Variants in ARHGAP15 observed in about 807,000 individuals in gnomAD.
The protein encoded by ARHGAP15 is rho GTPase-activating protein 15.
ARHGAP15 carries 51 observed loss-of-function variants against 63.7 expected under a neutral mutation model. The ratio of observed to expected loss-of-function variants is 0.80; its 90% CI spans 0.64 to 1.01. The LOEUF (loss-of-function observed/expected upper bound fraction) is 1.01, where lower values mean the gene tolerates loss of function less well. Among genes scored for constraint, ARHGAP15 ranks in the 50% least tolerant of loss-of-function variants. ARHGAP15 has a pLI of 0.00. For synonymous variants in ARHGAP15, 191 were observed against 193.8 expected, an observed-to-expected ratio of 0.99 and a Z score of 0.12; for missense variants, 560 against 564.6, an observed-to-expected ratio of 0.99 and a Z score of 0.08.
chr2:143,640,326 A>T (rs1208410510), intron 12 of ARHGAP15, among the ~76,000 whole-genome samples: 1 of 152,096 alleles, frequency 6.6e-6, no homozygotes, highest in Non-Finnish European at 1.5e-5. Flanking sequence ...GGTGAATGGC[A>T]GAGATGGAAA....
At chr2:143,564,718 T>C (rs1002785922) in intron 11 of ARHGAP15, among the ~76,000 whole-genome samples, 2 of 152,208 alleles carry the variant, frequency 1.3e-5, no homozygotes, top group Admixed American at 1.3e-4. Flanking sequence ...TTGATTAATG[T>C]AATAATGTTC....
At chr2:143,512,238 A>T (rs1693623212) in intron 9 of ARHGAP15, among the ~76,000 whole-genome samples, 1 of 152,340 alleles carries the variant, frequency 6.6e-6, no homozygotes, top group Non-Finnish European at 1.5e-5. Flanking sequence ...CTCTCATAAA[A>T]AGAGGGTTCC....
At chr2:143,604,306 T>G (rs1290001542) in intron 11 of ARHGAP15, among the ~76,000 whole-genome samples, 3 of 152,222 alleles carry the variant, frequency 2.0e-5, no homozygotes, top group Non-Finnish European at 4.4e-5. Context: ...TTGAGAGCTG[T>G]TTCAGCTGAC....
chr2:143,259,638 AAAG>A (rs1680616408), intron 6 of ARHGAP15, among the ~76,000 whole-genome samples: 1 of 152,166 alleles, frequency 6.6e-6, no homozygotes, highest in South Asian at 2.1e-4. Flanking sequence ...GGAGGTATTT[AAAG>A]AAGAGCTTTA....
chr2:143,556,647 A>G (rs1695812070), intron 11 of ARHGAP15, among the ~76,000 whole-genome samples, 162 bp downstream of exon 11: 1 of 152,144 alleles, frequency 6.6e-6, no homozygotes, highest in Non-Finnish European at 1.5e-5. Flanking sequence ...ATAACCAACT[A>G]GTTTATCTAG....
chr2:143,700,561 A>T (rs538834080), intron 12 of ARHGAP15, among the ~76,000 whole-genome samples: 9 of 152,106 alleles, frequency 5.9e-5, no homozygotes, highest in Admixed American at 2.0e-4. Context: ...CTCTCCTCTC[A>T]TCCCCTTCCC....
chr2:143,293,598 C>G (rs1682503859), intron 6 of ARHGAP15, among the ~76,000 whole-genome samples: 1 of 152,020 alleles, frequency 6.6e-6, no homozygotes, highest in Non-Finnish European at 1.5e-5. Flanking sequence ...GTGTCTTAAA[C>G]CACATCAATG....
chr2:143,534,325 A>G (rs1694652249), intron 10 of ARHGAP15, among the ~76,000 whole-genome samples: 1 of 152,192 alleles, frequency 6.6e-6, no homozygotes, highest in South Asian at 2.1e-4. Flanking sequence ...ACTGTGAGTC[A>G]ATTAAACCTC....
chr2:143,172,963 C>A (rs1027225848), intron 2 of ARHGAP15, among the ~76,000 whole-genome samples: 4 of 151,926 alleles, frequency 2.6e-5, no homozygotes, highest in African/African-American at 9.7e-5. Context: ...CTTTAAGGAG[C>A]CTACAAAGAA....
In ARHGAP15 at chr2:143,763,736, ATGTATG is replaced by A. The variant is rs1273814523; in HGVS notation, c.1245-4251_1245-4246del. Among the ~76,000 whole-genome samples, 6 of 143,930 alleles carry A rather than the reference ATGTATG, an allele frequency of 4.2e-5. No homozygotes were observed. In the South Asian group the frequency reaches 1.0e-3, roughly 25 times the overall value. The allele number at this position is 143,930 out of a possible 152,430, so 94.4% of individuals were successfully genotyped here. On this transcript the variant is annotated intron_variant, in intron 13 of 13. Coordinates refer to ENST00000295095, the MANE Select transcript of ARHGAP15 (RefSeq NM_018460.4). ...TGTATGTATATGTATGTATATGTAT[ATGTATG>A]TATATGTATATGTATGTATATAAAT... is the stretch of plus-strand genomic sequence containing the variant.
In ARHGAP15 at chr2:143,206,377, G is replaced by A. The variant is rs139450176; in HGVS notation, c.234+4175G>A. 6.6e-5 allele frequency among the ~76,000 whole-genome samples: 10 copies of A among 152,296 alleles called. No homozygotes were observed. In the East Asian group the frequency reaches 1.9e-3, roughly 29 times the overall value. On this transcript the variant is annotated intron_variant, in intron 3 of 13. Transcript: ENST00000295095. ...AAAGTTTATTAAAACAATGTTGCTA[G>A]TTGCAGACATTAATAAATATATGCC... is the stretch of plus-strand genomic sequence containing the variant.
At chr2:143,518,342 G>T (rs1477750396) in intron 9 of ARHGAP15, among the ~76,000 whole-genome samples, 1 of 152,166 alleles carries the variant, frequency 6.6e-6, no homozygotes, top group African/African-American at 2.4e-5. Context: ...ACAATGCAAG[G>T]TAGCGTCAAT....
intron 8 of ARHGAP15, among the ~76,000 whole-genome samples, chr2:143,453,602 T>C (rs1382709809): frequency 6.6e-6 from 1 of 151,992 alleles, no homozygotes; most frequent in Non-Finnish European, 1.5e-5. Context: ...TTCCTAGAGA[T>C]TAATGTATTT....
At chr2:143,601,031 C>T (rs1697748259) in intron 11 of ARHGAP15, among the ~76,000 whole-genome samples, 1 of 152,106 alleles carries the variant, frequency 6.6e-6, no homozygotes, top group South Asian at 2.1e-4. Flanking sequence ...GTTTGCTAAT[C>T]TCTGTCCTAA....
At chr2:143,536,229 AG>A (rs1342066069) in intron 10 of ARHGAP15, among the ~76,000 whole-genome samples, 2 of 152,178 alleles carry the variant, frequency 1.3e-5, no homozygotes, top group Non-Finnish European at 2.9e-5. Context: ...AGCCTCTAGT[AG>A]CCACCATTCC....
intron 13 of ARHGAP15, among the ~76,000 whole-genome samples, chr2:143,738,257 A>AT (rs1685830790): frequency 1.5e-5 from 2 of 136,384 alleles, no homozygotes; most frequent in Non-Finnish European, 3.4e-5. Flanking sequence ...CAGGAAGTTA[A>AT]ATTTTTTTTT....
intron 6 of ARHGAP15, among the ~76,000 whole-genome samples, chr2:143,310,514 G>A (rs1056778406): frequency 2.0e-4 from 30 of 151,942 alleles, no homozygotes; most frequent in African/African-American, 7.0e-4. Context: ...TCCATGGATC[G>A]CTATTACATT....
intron 9 of ARHGAP15, among the ~76,000 whole-genome samples, chr2:143,489,307 C>G (rs973010622): frequency 5.3e-5 from 8 of 152,120 alleles, no homozygotes; most frequent in African/African-American, 1.9e-4. Context: ...CACTCTGATT[C>G]ATGCATTTCT....
At chr2:143,586,379 T>C (rs1341524151) in intron 11 of ARHGAP15, among the ~76,000 whole-genome samples, 1 of 152,046 alleles carries the variant, frequency 6.6e-6, no homozygotes. Flanking sequence ...CTCTATTCTC[T>C]TCTTCAAGAG....
Sources: gnomAD v4.1 joint callset for allele counts (sites outside exome capture counted in the v4.1 genomes callset) on GRCh38, gnomAD v4.1.1 for gene constraint, MANE v1.5 for transcripts, NCBI Gene and HGNC (gene_info 2026-07-23, HGNC 2026-07-21) for gene names.